COPS4: variants seen among roughly 807,000 people sequenced by gnomAD.
The protein encoded by COPS4 is COP9 signalosome complex subunit 4.
In COPS4, 8 loss-of-function variants were observed where a neutral mutation model predicts 55.1. The observed-to-expected ratio is 0.15, with a 90% CI of 0.09 to 0.26. The LOEUF (loss-of-function observed/expected upper bound fraction) is 0.26. COPS4 is among the 10% of genes least tolerant of loss of function. The probability of loss-of-function intolerance (pLI) is 1.00; values close to 1 mark genes in which losing one functional copy is unlikely to be tolerated. For missense variants in COPS4, 248 were observed against 484.0 expected, an observed-to-expected ratio of 0.51 and a Z score of 4.58; for synonymous variants, 185 against 165.7, an observed-to-expected ratio of 1.12 and a Z score of -0.90.
chr4:83,059,841 C>T (rs1731112894), intron 6 of COPS4, among the ~76,000 whole-genome samples: 1 of 151,854 alleles, frequency 6.6e-6, no homozygotes, highest in South Asian at 2.1e-4. Flanking sequence ...GCTGGGACTG[C>T]AGGCGCCTGC....
intron 1 of COPS4, among the ~76,000 whole-genome samples, chr4:83,044,302 G>T (rs528295355): frequency 1.3e-5 from 2 of 151,632 alleles, no homozygotes; most frequent in Non-Finnish European, 2.9e-5. Context: ...AAAATTAGCC[G>T]CACTTGGTGG....
Position 83,069,331 on chromosome 4 carries a change from T to C in COPS4, c.1087+809T>C, listed in dbSNP as rs1731363565. On this transcript the variant is annotated intron_variant, in intron 9 of 9. Transcript: ENST00000264389. ...GGCCATAACCTTTTTCTTGTTTCTC[T>C]AGTGGTCTGTGGTCTGTCTCCGTTA... 2.0e-5 allele frequency among the ~76,000 whole-genome samples: 3 copies of C among 152,220 alleles called. No homozygotes were observed. In the South Asian group the frequency reaches 6.2e-4, roughly 31 times the overall value.
rs1731293912 is a variant in COPS4 at position 83,066,420 on chromosome 4, G to A, written c.887-18G>A. 1 of 1,319,564 alleles carries A rather than the reference G, an allele frequency of 7.6e-7. No homozygotes were observed. The allele number at this position is 1,319,564 out of a possible 1,614,324, so 81.7% of individuals were successfully genotyped here. A position where few individuals can be genotyped will look rare whatever the true frequency, so the allele number is the denominator to read the frequency against. On this transcript the variant is annotated intron_variant, in intron 7 of 9. Coordinates refer to ENST00000264389, the MANE Select transcript of COPS4 (RefSeq NM_016129.3). ...TAAAACTAGTTTCAAACTTGTAACT[G>A]TCTTATTTATGTTTAAGGTTCCAGC...
intron 4 of COPS4, 61 bp downstream of exon 4, chr4:83,050,045 A>AT: frequency 1.0e-6 from 1 of 989,654 alleles, no homozygotes; most frequent in East Asian, 2.5e-5. Context: ...GCTCACTTAT[A>AT]TTTTTTCTTA....
intron 8 of COPS4, among the ~76,000 whole-genome samples, chr4:83,067,994 C>G (rs1001130545): frequency 6.6e-6 from 1 of 152,162 alleles, no homozygotes; most frequent in African/African-American, 2.4e-5. Context: ...CTTTTGCTTT[C>G]TTTTAATTGT....
chr4:83,054,248 A>C (rs2126130837), intron 4 of COPS4, among the ~76,000 whole-genome samples: 1 of 152,268 alleles, frequency 6.6e-6, no homozygotes, highest in Admixed American at 6.5e-5. Context: ...AGGCTGAGGC[A>C]GGAGAATGGT....
chr4:83,061,958 C>T (rs1731172692), intron 6 of COPS4, among the ~76,000 whole-genome samples: 1 of 152,172 alleles, frequency 6.6e-6, no homozygotes, highest in Admixed American at 6.5e-5. Flanking sequence ...AGCTATTTTT[C>T]AAGGATCCCT....
rs1194882762 is a variant in COPS4 at position 83,075,640 on chromosome 4, C to T, written c.*210C>T. 1 of 435,710 alleles carries T rather than the reference C, an allele frequency of 2.3e-6. No homozygotes were observed. The highest frequency in any genetic ancestry group is 3.9e-6 in the Non-Finnish European group (1 of 258,556). 27.0% of individuals were successfully genotyped at this position (435,710 alleles called of 1,614,324 possible). ...TCAGGGTCTCTGTGTATTAAGCTAA[C>T]TCAGATGTTTTGAAAGCTTTTTCTT... On this transcript the variant is annotated 3_prime_UTR_variant, in exon 10 of 10. Coordinates refer to ENST00000264389, the MANE Select transcript of COPS4 (RefSeq NM_016129.3).
intron 6 of COPS4, 59 bp from the exon 7 acceptor site, chr4:83,063,016 TC>T: frequency 7.0e-7 from 1 of 1,419,206 alleles, no homozygotes; most frequent in Non-Finnish European, 9.4e-7. Context: ...GGTTTTTTTT[TC>T]CTGAAGAAAC....
chr4:83,064,172 C>T (rs1315811224), intron 7 of COPS4, among the ~76,000 whole-genome samples: 2 of 152,026 alleles, frequency 1.3e-5, no homozygotes, highest in African/African-American at 2.4e-5. Flanking sequence ...CTCATCTCTA[C>T]AAAATATAAA....
At chr4:83,048,516 T>C (rs1443237430) in intron 2 of COPS4, among the ~76,000 whole-genome samples, 2 of 152,174 alleles carry the variant, frequency 1.3e-5, no homozygotes, top group African/African-American at 4.8e-5. Flanking sequence ...AATATAGGTG[T>C]TTTTGTGCCT....
At position 83,075,598 on chromosome 4, in the gene COPS4, T is replaced by C. The variant is rs931345725; in HGVS notation, c.*168T>C. The stretch of plus-strand genomic sequence containing the variant: ...GCAGGAAGTACAAGCATTTAAAATA[T>C]GTAGTTCCCATATATTTCAGGGTCT... On this transcript the variant is annotated 3_prime_UTR_variant, in exon 10 of 10. Transcript: ENST00000264389. 3 of 649,318 alleles carry C rather than the reference T, an allele frequency of 4.6e-6. No individual in the cohort carries two copies. Among genetic ancestry groups the C allele is most frequent in the East Asian group, 3.0e-5 (1 of 33,254 alleles). The allele number at this position is 649,318 out of a possible 1,614,324, so 40.2% of individuals were successfully genotyped here.
chr4:83,073,668 G>A (rs1303961058), intron 9 of COPS4, among the ~76,000 whole-genome samples: 2 of 152,082 alleles, frequency 1.3e-5, no homozygotes, highest in South Asian at 4.1e-4. Context: ...GATTTTATAG[G>A]TTGCGGCTGG....
chr4:83,071,200 A>G (rs1480731069), intron 9 of COPS4, among the ~76,000 whole-genome samples: 3 of 152,094 alleles, frequency 2.0e-5, no homozygotes, highest in Non-Finnish European at 4.4e-5. Context: ...CTTCCTGGTG[A>G]TAGGTATTAA....
intron 1 of COPS4, among the ~76,000 whole-genome samples, chr4:83,039,528 G>A (rs970395416): frequency 4.6e-5 from 7 of 152,166 alleles, no homozygotes; most frequent in Non-Finnish European, 4.4e-5. Context: ...TATTGTGGCC[G>A]TTTTTTGTAA....
intron 9 of COPS4, among the ~76,000 whole-genome samples, chr4:83,071,478 G>A (rs1731429935): frequency 6.6e-6 from 1 of 151,994 alleles, no homozygotes; most frequent in Non-Finnish European, 1.5e-5. Context: ...AGGTGCAGTG[G>A]TATGATCATA....
chr4:83,056,340 G>C (rs999961766), intron 4 of COPS4, among the ~76,000 whole-genome samples: 1 of 152,102 alleles, frequency 6.6e-6, no homozygotes, highest in African/African-American at 2.4e-5. Flanking sequence ...TTCTAGGAAG[G>C]TTGTCCCACT....
At chr4:83,051,984 G>A (rs1474473755) in intron 4 of COPS4, among the ~76,000 whole-genome samples, 1 of 152,198 alleles carries the variant, frequency 6.6e-6, no homozygotes, top group Admixed American at 6.5e-5. Context: ...GCCAGGTGGT[G>A]AGCTATGGCA....
chr4:83,047,121 T>C (rs1431806690), intron 2 of COPS4, among the ~76,000 whole-genome samples: 5 of 152,238 alleles, frequency 3.3e-5, no homozygotes, highest in Admixed American at 6.5e-5. Context: ...CTTAAAAGGT[T>C]ACTGCCTTAA....
Sources: gnomAD v4.1 joint callset for allele counts (sites outside exome capture counted in the v4.1 genomes callset) on GRCh38, gnomAD v4.1.1 for gene constraint, MANE v1.5 for transcripts, NCBI Gene and HGNC (gene_info 2026-07-23, HGNC 2026-07-21) for gene names.